Variants in AQP9 observed in about 807,000 individuals in gnomAD.
AQP9 encodes the protein aquaporin 9.
Under a neutral mutation model 23.8 loss-of-function variants are expected in AQP9, and 19 were observed. The observed-to-expected ratio is 0.80, with a 90% CI of 0.56 to 1.17. The LOEUF (loss-of-function observed/expected upper bound fraction) is 1.17. AQP9 is among the 50% of genes most tolerant of loss of function. The pLI is 0.00. For synonymous variants in AQP9, 153 were observed against 131.5 expected (o/e 1.16, Z -1.12); for missense variants, 413 against 362.0 (o/e 1.14, Z -1.14).
intron 1 of AQP9, among the ~76,000 whole-genome samples, chr15:58,163,272 G>A (rs1281212578): frequency 6.6e-6 from 1 of 152,124 alleles, no homozygotes; most frequent in African/African-American, 2.4e-5. Flanking sequence ...TCTTCTTGAG[G>A]AGGCAGCTAG....
chr15:58,182,620 G>A (rs924170184), intron 5 of AQP9, among the ~76,000 whole-genome samples: 62 of 152,140 alleles, frequency 4.1e-4, no homozygotes, highest in Non-Finnish European at 2.4e-4. Context: ...AAACGGGAGA[G>A]GCAGCCACCC....
At chr15:58,155,353 G>A (rs765905662) in intron 1 of AQP9, 6 of 152,042 alleles carry the variant, frequency 3.9e-5, no homozygotes, top group Non-Finnish European at 8.8e-5. Flanking sequence ...TATAGGTTAC[G>A]TACTCCCATG....
chr15:58,177,477 T>C (rs2140631440), intron 4 of AQP9, among the ~76,000 whole-genome samples: 1 of 152,334 alleles, frequency 6.6e-6, no homozygotes, highest in Middle Eastern at 3.4e-3. Context: ...AGAGTGCTCT[T>C]GGGGGAACAT....
chr15:58,144,676 C>T (rs761073600), intron 1 of AQP9, among the ~76,000 whole-genome samples: 10 of 151,584 alleles, frequency 6.6e-5, no homozygotes, highest in Non-Finnish European at 7.4e-5. Context: ...AGCATGTGCA[C>T]GAAAAAAGAG....
At chr15:58,146,452 C>G (rs1898046171) in intron 1 of AQP9, among the ~76,000 whole-genome samples, 1 of 151,886 alleles carries the variant, frequency 6.6e-6, no homozygotes, top group South Asian at 2.1e-4. Flanking sequence ...TTATTTGGTT[C>G]TTTTTTTCTT....
At chr15:58,154,605 A>G (rs2140599335) in intron 1 of AQP9, among the ~76,000 whole-genome samples, 1 of 147,186 alleles carries the variant, frequency 6.8e-6, no homozygotes, top group Middle Eastern at 3.6e-3. Context: ...CTCATTCACC[A>G]AATTAACACC....
intron 4 of AQP9, among the ~76,000 whole-genome samples, chr15:58,175,767 A>C (rs1618930): frequency 0.44 from 67,025 of 152,146 alleles, 16,546 homozygotes; most frequent in East Asian, 0.61. Context: ...GCATGTGTAT[A>C]AAATGGATCT....
intron 2 of AQP9, among the ~76,000 whole-genome samples, chr15:58,170,562 G>A (rs997731227): frequency 5.3e-5 from 8 of 151,860 alleles, no homozygotes; most frequent in African/African-American, 1.7e-4. Flanking sequence ...ATGCCACTAT[G>A]CCCAGCAAAT....
At chr15:58,169,016 A>G (rs1442237519) in intron 2 of AQP9, among the ~76,000 whole-genome samples, 5 of 152,128 alleles carry the variant, frequency 3.3e-5, no homozygotes, top group Non-Finnish European at 7.3e-5. Context: ...ACTGCAATCC[A>G]TATCTGATTC....
At chr15:58,173,869 A>G (rs150848296) in intron 3 of AQP9, among the ~76,000 whole-genome samples, 2 of 152,334 alleles carry the variant, frequency 1.3e-5, no homozygotes, top group East Asian at 1.9e-4. Flanking sequence ...TGGTGTTCCC[A>G]TGAAATCAAC....
At chr15:58,140,549 C>T (rs1215058757) in intron 1 of AQP9, among the ~76,000 whole-genome samples, 1 of 152,130 alleles carries the variant, frequency 6.6e-6, no homozygotes, top group Non-Finnish European at 1.5e-5. Context: ...GATGTATAAA[C>T]AAAAAGTTCC....
intron 1 of AQP9, chr15:58,154,979 C>G (rs1310961985): frequency 6.6e-6 from 1 of 152,178 alleles, no homozygotes; most frequent in African/African-American, 2.4e-5. Flanking sequence ...ATATGCACAA[C>G]GCACCTGCTA....
chr15:58,139,868 C>G (rs560870672), intron 1 of AQP9, among the ~76,000 whole-genome samples: 1 of 152,288 alleles, frequency 6.6e-6, no homozygotes, highest in Admixed American at 6.5e-5. Context: ...TTCCTGGCTG[C>G]TCTGACCACA....
At chr15:58,180,161 G>A (rs537924855) in intron 5 of AQP9, among the ~76,000 whole-genome samples, 3 of 152,216 alleles carry the variant, frequency 2.0e-5, no homozygotes, top group East Asian at 1.9e-4. Flanking sequence ...TCACAGAGGC[G>A]CATCCTCATC....
chr15:58,181,733 G>C (rs1362695146), intron 5 of AQP9, among the ~76,000 whole-genome samples: 1 of 152,126 alleles, frequency 6.6e-6, no homozygotes, highest in African/African-American at 2.4e-5. Flanking sequence ...CAGAAGTTTG[G>C]CAGGTTTAGA....
intron 1 of AQP9, among the ~76,000 whole-genome samples, chr15:58,156,221 C>A (rs928495817): frequency 5.9e-5 from 9 of 152,204 alleles, no homozygotes; most frequent in Admixed American, 4.6e-4. Flanking sequence ...TCAGCACACA[C>A]TTTAACTGCT....
chr15:58,163,480 T>A (rs1898428331), intron 1 of AQP9, among the ~76,000 whole-genome samples: 1 of 152,174 alleles, frequency 6.6e-6, no homozygotes, highest in Non-Finnish European at 1.5e-5. Context: ...CAAGAGATTG[T>A]TTTCTAGATA....
At chr15:58,183,904 C>A (rs546633244) in intron 5 of AQP9, 57 bp from the exon 6 acceptor site, 14 of 1,569,800 alleles carry the variant, frequency 8.9e-6, no homozygotes, top group Non-Finnish European at 1.1e-5. Flanking sequence ...AAAAACTAGA[C>A]AGTAATACCA....
rs779060680 is a variant in AQP9, at chr15:58,184,142, G to A, written c.*7G>A. ...ACTCAGTGTCATCATGTAGTGGCAT[G>A]CTCAGCTCTGGATTTGCAGTCAGTT... On this transcript the variant is annotated 3_prime_UTR_variant, in exon 6 of 6. Transcript: ENST00000219919. The A allele has an allele frequency of 1.2e-6, 2 of 1,612,572 alleles. No individual in the cohort carries two copies. Among genetic ancestry groups the A allele is most frequent in the Non-Finnish European group, 1.7e-6 (2 of 1,178,924 alleles).
Sources: allele counts gnomAD v4.1 joint callset (sites outside exome capture counted in the v4.1 genomes callset), GRCh38; gene constraint gnomAD v4.1.1; transcripts MANE v1.5; gene names NCBI Gene and HGNC (gene_info 2026-07-23, HGNC 2026-07-21).